TRHDE: variants seen among roughly 807,000 people sequenced by gnomAD.
TRHDE encodes the protein thyrotropin releasing hormone degrading enzyme.
A neutral mutation model predicts 125.7 loss-of-function variants in TRHDE; 72 were observed. The observed-to-expected ratio is 0.57, with a 90% CI of 0.47 to 0.70. The LOEUF (loss-of-function observed/expected upper bound fraction) is 0.70, where lower values mean the gene tolerates loss of function less well. TRHDE is among the 30% of genes least tolerant of loss of function. TRHDE has a pLI of 0.00. For missense variants in TRHDE, 1,110 were observed against 1,327.1 expected, an observed-to-expected ratio of 0.84 and a Z score of 2.54; for synonymous variants, 509 against 509.1, an observed-to-expected ratio of 1.00 and a Z score of 0.00.
chr12:72,260,835 T>A (rs1878934873), intron 2 of TRHDE, among the ~76,000 whole-genome samples: 2 of 152,208 alleles, frequency 1.3e-5, no homozygotes, highest in African/African-American at 2.4e-5. Flanking sequence ...ACTCTGTGGA[T>A]ACAGAAATGA....
chr12:72,097,173 C>T (rs1437267701), intron 1 of TRHDE, among the ~76,000 whole-genome samples: 1 of 152,156 alleles, frequency 6.6e-6, no homozygotes, highest in Non-Finnish European at 1.5e-5. Flanking sequence ...ATAGTGTATA[C>T]TACATCATCC....
chr12:72,112,161 G>A lies in TRHDE; in HGVS notation n.279+6409G>A, dbSNP rs528852846. Among the ~76,000 whole-genome samples, 26 of 152,278 alleles carry A rather than the reference G, an allele frequency of 1.7e-4. 2 individuals carry two copies. In the South Asian group the frequency reaches 5.2e-3, roughly 30 times the overall value. On this transcript the variant is annotated intron_variant and non_coding_transcript_variant, in intron 2 of 4. Transcript: ENST00000548156. ...GGGAGCCAGGAGGGGACTGTGAAGT[G>A]AGTTTTAAAATACCTTTGAAATATA...
chr12:72,355,182 G>GA (rs1447985820), intron 2 of TRHDE, among the ~76,000 whole-genome samples: 2 of 151,394 alleles, frequency 1.3e-5, no homozygotes, highest in Non-Finnish European at 3.0e-5. Context: ...GAAAAATTAG[G>GA]AAAAAAGCCT....
chr12:72,189,703 G>A lies in TRHDE; in HGVS notation n.279+83951G>A, dbSNP rs548824834. 3.9e-5 allele frequency among the ~76,000 whole-genome samples: 6 copies of A among 152,272 alleles called. No homozygotes were observed. The South Asian group carries it at 1.2e-3, about 32-fold the overall frequency. ...AAGGAGGCATAATGCTTAGGGGGTCGCTTTGGACTTTGGAGGCAACATATC... is the reference window on the plus strand; with the variant it reads ...AAGGAGGCATAATGCTTAGGGGGTCACTTTGGACTTTGGAGGCAACATATC... On this transcript the variant is annotated intron_variant and non_coding_transcript_variant, in intron 2 of 4. Coordinates refer to the TRHDE transcript ENST00000548156.
chr12:72,604,292 A>C (rs1872336777), intron 12 of TRHDE, among the ~76,000 whole-genome samples: 1 of 152,160 alleles, frequency 6.6e-6, no homozygotes, highest in African/African-American at 2.4e-5. Context: ...TCTTTGAAAT[A>C]ATCAAGCAGC....
chr12:72,099,764 A>G (rs1057508912), intron 1 of TRHDE, among the ~76,000 whole-genome samples: 1 of 152,212 alleles, frequency 6.6e-6, no homozygotes, highest in Non-Finnish European at 1.5e-5. Flanking sequence ...ATATTTTAAG[A>G]TAAGAATGGA....
intron 15 of TRHDE, among the ~76,000 whole-genome samples, chr12:72,634,836 A>C (rs1351741903): frequency 1.3e-3 from 192 of 151,658 alleles, no homozygotes; most frequent in African/African-American, 4.0e-3. Context: ...TGAACTCATC[A>C]TTTTTTATGG....
At chr12:72,320,027 T>C (rs1441068703) in intron 2 of TRHDE, among the ~76,000 whole-genome samples, 2 of 152,290 alleles carry the variant, frequency 1.3e-5, no homozygotes, top group East Asian at 3.9e-4. Flanking sequence ...ATTTATTTAT[T>C]TTTTGATTCT....
chr12:72,181,967 T>A (rs1269530032), intron 2 of TRHDE, among the ~76,000 whole-genome samples: 1 of 152,190 alleles, frequency 6.6e-6, no homozygotes, highest in African/African-American at 2.4e-5. Flanking sequence ...GCAATAAAAG[T>A]AGAAAATATT....
At chr12:72,365,724 G>A (rs966195954) in intron 2 of TRHDE, among the ~76,000 whole-genome samples, 1 of 152,094 alleles carries the variant, frequency 6.6e-6, no homozygotes, top group Non-Finnish European at 1.5e-5. Flanking sequence ...TGAATTAACT[G>A]GCAAGAAGAT....
chr12:72,449,843 T>A (rs1376517459), intron 3 of TRHDE, among the ~76,000 whole-genome samples: 3 of 152,050 alleles, frequency 2.0e-5, no homozygotes, highest in Non-Finnish European at 4.4e-5. Flanking sequence ...TTTGTTCTAT[T>A]CTATAATATA....
intron 7 of TRHDE, among the ~76,000 whole-genome samples, chr12:72,548,431 T>C (rs531160588): frequency 3.5e-4 from 53 of 151,936 alleles, no homozygotes; most frequent in Middle Eastern, 3.4e-3. Flanking sequence ...TATTCATCCA[T>C]ATACAACAAT....
intron 12 of TRHDE, among the ~76,000 whole-genome samples, chr12:72,590,385 C>T (rs1249638924): frequency 4.6e-5 from 7 of 151,850 alleles, no homozygotes; most frequent in Admixed American, 1.3e-4. Context: ...TTCAGAATTA[C>T]GTATTTGTTG....
chr12:72,469,472 T>C (rs545628647), intron 3 of TRHDE, among the ~76,000 whole-genome samples: 7 of 152,210 alleles, frequency 4.6e-5, no homozygotes, highest in Admixed American at 6.5e-5. Flanking sequence ...CCTTGACTTA[T>C]GAAATTTATT....
At position 72,655,070 on chromosome 12, in the gene TRHDE, T is replaced by C. The variant is rs12317446; in HGVS notation, c.2985-1857T>C. 6.1e-3 allele frequency among the ~76,000 whole-genome samples: 933 copies of C among 152,254 alleles called. 5 individuals carry two copies. The highest frequency in any genetic ancestry group is 0.021 in the African/African-American group (870 of 41,552). On this transcript the variant is annotated intron_variant, in intron 17 of 18. Transcript: ENST00000261180. ...CAGTGTATGGACTAATTTTTGTTGT[T>C]GTTGTTGTTGTTTGTTTTTTGAGAC...
chr12:72,107,555 T>C (rs1318542178), intron 2 of TRHDE, among the ~76,000 whole-genome samples: 1 of 152,182 alleles, frequency 6.6e-6, no homozygotes, highest in East Asian at 1.9e-4. Context: ...CTGAACTCTT[T>C]AGAATCTTCC....
chr12:72,090,542 A>G (rs991778547), intron 1 of TRHDE, among the ~76,000 whole-genome samples: 19 of 152,130 alleles, frequency 1.2e-4, no homozygotes, highest in Admixed American at 1.2e-3. Flanking sequence ...TACTTGGAGC[A>G]TGTTTTTATG....
At chr12:72,650,410 T>C (rs80302668) in intron 15 of TRHDE, among the ~76,000 whole-genome samples, 4,486 of 152,228 alleles carry the variant, frequency 0.029, 216 homozygotes, top group African/African-American at 0.1. Flanking sequence ...ACCAGTATAG[T>C]ATGTGGCACT....
At chr12:72,523,284 G>C (rs1438746697) in intron 6 of TRHDE, among the ~76,000 whole-genome samples, 2 of 151,972 alleles carry the variant, frequency 1.3e-5, no homozygotes, top group African/African-American at 2.4e-5. Flanking sequence ...AGATTACCAG[G>C]TATTAGGGTG....
Sources: gnomAD v4.1 joint callset for allele counts (sites outside exome capture counted in the v4.1 genomes callset) on GRCh38, gnomAD v4.1.1 for gene constraint, MANE v1.5 for transcripts, NCBI Gene and HGNC (gene_info 2026-07-23, HGNC 2026-07-21) for gene names.